Variants in SMTNL1 observed in about 807,000 individuals in gnomAD.
The protein encoded by SMTNL1 is smoothelin-like protein 1.
In SMTNL1, 41 loss-of-function variants were observed where a neutral mutation model predicts 46.6. The observed-to-expected ratio is 0.88, with a 90% confidence interval of 0.69 to 1.14. SMTNL1 has a LOEUF of 1.14. Ranked by LOEUF, SMTNL1 falls within the 50% of genes most tolerant of loss-of-function variation. The pLI is 0.00. For synonymous variants in SMTNL1, 234 were observed against 234.2 expected (o/e 1.00, Z 0.01); for missense variants, 591 against 626.1 (o/e 0.94, Z 0.60).
At chr11:57,544,821 CTCCTTG>C (rs1944908947) in intron 4 of SMTNL1, among the ~76,000 whole-genome samples, 1 of 150,770 alleles carries the variant, frequency 6.6e-6, no homozygotes, top group South Asian at 2.1e-4. Flanking sequence ...TGAAATCTGC[CTCCTTG>C]TCCTCCCCCC....
Position 57,542,953 on chromosome 11 carries a change from C to A in SMTNL1, c.311C>A (p.Thr104Asn). Residue 104 changes from threonine to asparagine, a missense_variant, in exon 2 of 8, where the codon ACC (threonine) becomes AAC (asparagine). Thr to Asn is a moderately conservative substitution (Grantham distance 65). Transcript: ENST00000527972. ...LKKEDGEKEE[T>N]TVGSQEMTGR... ...AAGGAGGATGGTGAGAAGGAAGAGA[C>A]CACTGTGGGTTCTCAGGAGATGACT... The A allele has an allele frequency of 6.2e-7, 1 of 1,602,462 alleles. No homozygotes were observed. Among genetic ancestry groups the A allele is most frequent in the South Asian group, 1.1e-5 (1 of 89,060 alleles).
At chr11:57,549,577 G>C (rs1034326217) in intron 7 of SMTNL1, among the ~76,000 whole-genome samples, 1 of 152,028 alleles carries the variant, frequency 6.6e-6, no homozygotes, top group Non-Finnish European at 1.5e-5. Context: ...GTCTCACTAG[G>C]TTGTCCAGGC....
intron 1 of SMTNL1, among the ~76,000 whole-genome samples, chr11:57,539,762 C>T (rs1015761641): frequency 1.1e-4 from 16 of 152,184 alleles, no homozygotes; most frequent in African/African-American, 3.9e-4. Flanking sequence ...AGGCATGTGC[C>T]GCCACGTCTG....
intron 1 of SMTNL1, among the ~76,000 whole-genome samples, chr11:57,539,656 T>C (rs1347029323): frequency 2.6e-5 from 4 of 152,072 alleles, no homozygotes; most frequent in African/African-American, 9.7e-5. Flanking sequence ...CAGGCTGGAG[T>C]GTAGTGGCTA....
Position 57,543,890 on chromosome 11 carries a change from T to TAG in SMTNL1, c.888_889dup (p.Ala297GlufsTer96). The TAG allele has an allele frequency of 6.3e-7, 1 of 1,591,882 alleles. No homozygotes were observed. The highest frequency in any genetic ancestry group is 8.6e-7 in the Non-Finnish European group (1 of 1,169,042). On this transcript the variant is annotated frameshift_variant, in exon 4 of 8. Transcript: ENST00000527972. LOFTEE classifies it high-confidence loss of function. ...CCAGATGGGCTGGGTCCAGACTGTG[T>TAG]AGCTTCCGGACAGACCAGTCCTTCA...
intron 1 of SMTNL1, among the ~76,000 whole-genome samples, chr11:57,542,417 G>A (rs562365361): frequency 6.6e-5 from 10 of 152,230 alleles, no homozygotes; most frequent in Non-Finnish European, 1.3e-4. Flanking sequence ...AGAACCTACC[G>A]AGGGGCATCA....
rs762772833 is a variant in SMTNL1 at position 57,542,735 on chromosome 11, A to G, written c.93A>G (p.Ala31=). The G allele has an allele frequency of 6.8e-6, 11 of 1,613,816 alleles. No homozygotes were observed. The South Asian group carries it at 1.2e-4, about 18-fold the overall frequency. Reference sequence around the variant, plus strand: ...AGATGTCAGGAGGTGGAGCCCCTGCAGAGGAGACCAAAGGCACAGCTGGAA... The same window carrying G: ...AGATGTCAGGAGGTGGAGCCCCTGCGGAGGAGACCAAAGGCACAGCTGGAA... The part of the protein sequence containing the change: ...NPEMSGGGAP[A]EETKGTAGKA... Residue 31 remains alanine (A), a synonymous_variant, in exon 2 of 8, where the codon GCA becomes GCG. Coordinates refer to ENST00000527972, the MANE Select transcript of SMTNL1 (RefSeq NM_001105565.3).
At position 57,546,606 on chromosome 11, in the gene SMTNL1, C is replaced by T. The variant is rs540776815; in HGVS notation, c.1294C>T (p.Pro432Ser). 1 of 1,614,034 alleles carries T rather than the reference C, an allele frequency of 6.2e-7. No individual in the cohort carries two copies. Among genetic ancestry groups the T allele is most frequent in the East Asian group, 2.2e-5 (1 of 44,882 alleles). ...CGCCTTTGACTACGCAGAGCTGGATCCCGCAAAGCGCCGGCACAACTTCAC... is the reference window on the plus strand; with the variant it reads ...CGCCTTTGACTACGCAGAGCTGGATTCCGCAAAGCGCCGGCACAACTTCAC... Reference protein sequence around the residue: ...PDAFDYAELDPAKRRHNFTLA... With the variant: ...PDAFDYAELDSAKRRHNFTLA... The change falls in exon 7 of 8, where the codon CCC becomes TCC. Residue 432 changes from proline (P) to serine (S), a missense_variant. Transcript: ENST00000527972.
intron 5 of SMTNL1, 69 bp from the exon 6 acceptor site, chr11:57,546,162 GAT>G: frequency 6.6e-7 from 1 of 1,507,132 alleles, no homozygotes; most frequent in South Asian, 1.3e-5. Flanking sequence ...GGGGGCTGGG[GAT>G]CCTCCCAGTG....
intron 1 of SMTNL1, chr11:57,541,522 T>C (rs1432787104): frequency 2.9e-6 from 4 of 1,367,352 alleles, no homozygotes; most frequent in African/African-American, 3.0e-5. Flanking sequence ...CCGGGGGCAG[T>C]TGGAGAGTCA....
chr11:57,549,975 GCTGA>G lies in SMTNL1; in HGVS notation c.1352_1355del (p.Asp451ValfsTer38), dbSNP rs1944945701. The G allele has an allele frequency of 4.3e-6, 7 of 1,613,794 alleles. No homozygotes were observed. Among genetic ancestry groups the G allele is most frequent in the Non-Finnish European group, 5.9e-6 (7 of 1,179,874 alleles). ...TTCCACCCCATTCCTTAGGAAACTG[GCTGA>G]CTGTGCTCAGCTGCTGGACGTGGAT... On this transcript the variant is annotated frameshift_variant, in exon 8 of 8. Transcript: ENST00000527972. LOFTEE classifies it high-confidence loss of function.
chr11:57,542,965 C>A lies in SMTNL1; in HGVS notation c.323C>A (p.Ser108Tyr). The change falls in exon 2 of 8, where the codon TCT (serine) becomes TAT (tyrosine). Residue 108 changes from serine (S) to tyrosine (Y), a missense_variant. By Grantham distance (144) the Ser-to-Tyr change is moderately radical. Coordinates refer to ENST00000527972, the MANE Select transcript of SMTNL1 (RefSeq NM_001105565.3). ...GAGAAGGAAGAGACCACTGTGGGTT[C>A]TCAGGAGATGACTGGCAGGAAAGAA... ...DGEKEETTVG[S>Y]QEMTGRKEET... 2 of 1,602,274 alleles carry A rather than the reference C, an allele frequency of 1.2e-6. No homozygotes were observed. Among genetic ancestry groups the A allele is most frequent in the Admixed American group, 3.5e-5 (2 of 57,766 alleles).
At chr11:57,548,736 T>C (rs1009086421) in intron 7 of SMTNL1, among the ~76,000 whole-genome samples, 9 of 152,124 alleles carry the variant, frequency 5.9e-5, no homozygotes, top group African/African-American at 2.2e-4. Flanking sequence ...CATAAGAACA[T>C]ACCCTGTCTC....
rs772725041 is a variant in SMTNL1 at position 57,543,147 on chromosome 11, G to A, written c.505G>A (p.Glu169Lys). 9.9e-6 allele frequency: 16 copies of A among 1,613,412 alleles called. No individual in the cohort carries two copies. The highest frequency in any genetic ancestry group is 2.2e-5 in the East Asian group (1 of 44,874). The part of the protein sequence containing the change: ...KPEPKATVEE[E>K]DAKTASQEET... The stretch of plus-strand genomic sequence containing the variant: ...TGAACCTAAGGCAACAGTTGAGGAG[G>A]AGGACGCCAAGACAGCCTCTCAGGA... The change falls in exon 2 of 8, where the codon GAG becomes AAG. Residue 169 changes from glutamate to lysine, a missense_variant. Glu to Lys is a moderately conservative substitution (Grantham distance 56, BLOSUM62 1). Transcript: ENST00000527972.
In SMTNL1 at chr11:57,542,908, A is replaced by T; in HGVS notation, c.266A>T (p.Asp89Val). The change falls in exon 2 of 8, where the codon GAT becomes GTT. Residue 89 changes from aspartate to valine, a missense_variant. Asp to Val is a radical substitution (Grantham distance 152). Coordinates refer to ENST00000527972, the MANE Select transcript of SMTNL1 (RefSeq NM_001105565.3). Reference sequence around the variant, plus strand: ...CAGAGGGAGGCTGGTGGGAAAGAGGATGCTGAGGCTGAACTTAAAAAGGAG... The same window carrying T: ...CAGAGGGAGGCTGGTGGGAAAGAGGTTGCTGAGGCTGAACTTAAAAAGGAG... ...ESQREAGGKE[D>V]AEAELKKEDG... 1 of 1,608,664 alleles carries T rather than the reference A, an allele frequency of 6.2e-7. No individual in the cohort carries two copies. Among genetic ancestry groups the T allele is most frequent in the Non-Finnish European group, 8.5e-7 (1 of 1,177,434 alleles).
intron 1 of SMTNL1, 87 bp from the exon 2 acceptor site, chr11:57,542,554 A>G: frequency 6.9e-7 from 1 of 1,459,562 alleles, no homozygotes. Context: ...GGACTTCCTG[A>G]CTCCCAGGCC....
chr11:57,543,396 C>A, intron 2 of SMTNL1, 22 bp downstream of exon 2: 1 of 1,604,302 alleles, frequency 6.2e-7, no homozygotes, highest in Non-Finnish European at 8.5e-7. Context: ...AGGAAAGGAG[C>A]AAGGAGGCTC....
rs923854234 is a variant in SMTNL1 at position 57,543,210 on chromosome 11, A to G, written c.568A>G (p.Lys190Glu). The G allele has an allele frequency of 6.2e-7, 1 of 1,613,886 alleles. No homozygotes were observed. Among genetic ancestry groups the G allele is most frequent in the Non-Finnish European group, 8.5e-7 (1 of 1,179,866 alleles). The stretch of plus-strand genomic sequence containing the variant: ...GAGGAAAGAGTGCAGCACTGAACCC[A>G]AGGAGAAGGCTACTGATGAAGAGGC... ...GQRKECSTEPKEKATDEEAKA... is the reference protein window; with the variant it reads ...GQRKECSTEPEEKATDEEAKA... The change falls in exon 2 of 8, where the codon AAG (lysine) becomes GAG (glutamate). Residue 190 changes from lysine to glutamate, a missense_variant. Lys to Glu is a moderately conservative substitution (Grantham distance 56). Coordinates refer to ENST00000527972, the MANE Select transcript of SMTNL1 (RefSeq NM_001105565.3).
rs1393941201 is a variant in SMTNL1 at position 57,545,973 on chromosome 11, C to T, written c.1010C>T (p.Ala337Val). ...KEKAPERRVS[A>V]PARPRGPRAQ... ...AAGGCACCAGAGCGCAGGGTATCAG[C>T]CCCTGCTCGGCCCCGGGGGCCCCGG... The change falls in exon 5 of 8, where the codon GCC becomes GTC. Residue 337 changes from alanine to valine, a missense_variant. Physicochemically the swap from Ala to Val is moderately conservative, Grantham distance 64. Transcript: ENST00000527972. The T allele has an allele frequency of 1.2e-6, 2 of 1,610,826 alleles. No homozygotes were observed. Among genetic ancestry groups the T allele is most frequent in the Admixed American group, 1.7e-5 (1 of 58,952 alleles).
Sources: allele counts gnomAD v4.1 joint callset (sites outside exome capture counted in the v4.1 genomes callset), GRCh38; gene constraint gnomAD v4.1.1; transcripts MANE v1.5; gene names NCBI Gene and HGNC (gene_info 2026-07-23, HGNC 2026-07-21).